ADAM8: variants seen among roughly 807,000 people sequenced by gnomAD.
The protein encoded by ADAM8 is disintegrin and metalloproteinase domain-containing protein 8.
A neutral mutation model predicts 102.4 loss-of-function variants in ADAM8; 104 were observed. The observed-to-expected ratio is 1.02, with a 90% CI of 0.87 to 1.20. The LOEUF (loss-of-function observed/expected upper bound fraction) is 1.20. Among genes scored for constraint, ADAM8 ranks in the 50% most tolerant of loss-of-function variants. The pLI, the probability that ADAM8 is intolerant of heterozygous loss-of-function variation, is 0.00. For synonymous variants in ADAM8, 517 were observed against 485.2 expected (o/e 1.07, Z -0.86); for missense variants, 1,132 against 1,159.0 (o/e 0.98, Z 0.34).
chr10:133,270,109 G>T (rs1423863349), intron 16 of ADAM8, 135 bp from the exon 17 acceptor site: 1 of 1,183,314 alleles, frequency 8.5e-7, no homozygotes, highest in Non-Finnish European at 1.2e-6. Flanking sequence ...CCATCTGCCG[G>T]CTGCCTACCC....
At chr10:133,272,606 T>C (rs1264576872) in intron 8 of ADAM8, 21 bp from the exon 9 acceptor site, 7 of 1,595,734 alleles carry the variant, frequency 4.4e-6, no homozygotes, top group African/African-American at 4.0e-5. Flanking sequence ...GGTGGAGTCC[T>C]GGGGGTCAGG....
rs369431777 is a variant in ADAM8 at position 133,274,127 on chromosome 10, C to T, written c.227+32G>A. On this transcript the variant is annotated intron_variant, in intron 3 of 22. Transcript: ENST00000445355. ...GACACCAGTGTGCTGGAGCCAGGCC[C>T]GGGCAGGGGGGCCGACCCGAGACCC... 6.6e-4 allele frequency: 1,038 copies of T among 1,582,276 alleles called. 5 individuals carry two copies. The Middle Eastern group carries it at 0.011, about 16-fold the overall frequency.
chr10:133,273,173 C>T (rs1846613213), intron 6 of ADAM8, 81 bp downstream of exon 6: 1 of 1,578,348 alleles, frequency 6.3e-7, no homozygotes, highest in Admixed American at 1.8e-5. Flanking sequence ...GCACCCAGCA[C>T]ATGGGGAGCC....
intron 3 of ADAM8, 54 bp from the exon 4 acceptor site, chr10:133,274,083 C>T: frequency 6.3e-7 from 1 of 1,589,932 alleles, no homozygotes; most frequent in Non-Finnish European, 8.6e-7. Flanking sequence ...AGAGGCTGGC[C>T]CAGAGGCTGG....
intron 12 of ADAM8, 107 bp from the exon 13 acceptor site, chr10:133,271,396 T>C: frequency 6.7e-7 from 1 of 1,483,094 alleles, no homozygotes; most frequent in Non-Finnish European, 9.1e-7. Context: ...AGCCACTCCC[T>C]CCCTGTGACC....
intron 16 of ADAM8, 123 bp downstream of exon 16, chr10:133,270,237 G>T: frequency 7.6e-7 from 1 of 1,308,070 alleles, no homozygotes; most frequent in Non-Finnish European, 1.0e-6. Context: ...TACTAGAAGC[G>T]CGGAGAGAAC....
chr10:133,272,865 A>G lies in ADAM8; in HGVS notation c.638T>C (p.Phe213Ser). 2 of 1,611,378 alleles carry G rather than the reference A, an allele frequency of 1.2e-6. No individual in the cohort carries two copies. Among genetic ancestry groups the G allele is most frequent in the Non-Finnish European group, 1.7e-6 (2 of 1,178,858 alleles). ...ELYVVVDNAE[F>S]QMLGSEAAVR... is the part of the protein sequence containing the mutation. ...GGCTGCTTCGCTCCCCAGCATCTGG[A>G]ACTGGGGACACGAGACCCTCAGGCT... is the stretch of plus-strand genomic sequence containing the variant. The change falls in exon 8 of 23, where the codon TTC (phenylalanine) becomes TCC (serine). Residue 213 changes from phenylalanine (F) to serine (S), a missense_variant and splice_region_variant. Phe to Ser is a radical substitution (Grantham distance 155). Transcript: ENST00000445355.
rs375821860 is a variant in ADAM8, at chr10:133,270,749, C to A, written c.1621G>T (p.Ala541Ser). ...GTCTCAGCTCACCTGTACCGGCTGGCCTTGCAGCCTGGTAGGATGTCATAG... is the reference window on the plus strand; with the variant it reads ...GTCTCAGCTCACCTGTACCGGCTGGACTTGCAGCCTGGTAGGATGTCATAG... Reference protein sequence around the residue: ...FSYDILPGCKASRYRADMCGV... With the variant: ...FSYDILPGCKSSRYRADMCGV... Residue 541 changes from alanine (A) to serine (S), a missense_variant, in exon 15 of 23, where the codon GCC (alanine) becomes TCC (serine). Transcript: ENST00000445355. The A allele has an allele frequency of 2.5e-5, 40 of 1,605,544 alleles. No homozygotes were observed. The highest frequency in any genetic ancestry group is 5.4e-5 in the African/African-American group (4 of 74,610).
chr10:133,273,215 C>A, intron 6 of ADAM8, 39 bp downstream of exon 6: 1 of 1,590,160 alleles, frequency 6.3e-7, no homozygotes, highest in Non-Finnish European at 8.6e-7. Flanking sequence ...AAGTGGACAC[C>A]GGCAGGGCCA....
intron 21 of ADAM8, among the ~76,000 whole-genome samples, chr10:133,266,301 G>A (rs546623868): frequency 5.3e-5 from 8 of 152,284 alleles, no homozygotes; most frequent in Middle Eastern, 3.4e-3. Context: ...GTGGAGCCTC[G>A]GCTGCGCGCC....
At chr10:133,275,394 C>G in intron 2 of ADAM8, 90 bp downstream of exon 2, 1 of 999,944 alleles carries the variant, frequency 1.0e-6, no homozygotes, top group South Asian at 1.5e-5. Context: ...ACCCACTGGC[C>G]TCTCACCACT....
intron 17 of ADAM8, 29 bp downstream of exon 17, chr10:133,269,868 G>A (rs1345270370): frequency 6.2e-7 from 1 of 1,610,536 alleles, no homozygotes; most frequent in Non-Finnish European, 8.5e-7. Flanking sequence ...CCTCTGTGCA[G>A]GGGCCCTGTC....
chr10:133,276,867 C>G lies in ADAM8; in HGVS notation c.-50G>C. The G allele has an allele frequency of 1.4e-6, 2 of 1,479,856 alleles. No homozygotes were observed. The highest frequency in any genetic ancestry group is 2.5e-5 in the South Asian group (2 of 79,888). The allele number at this position is 1,479,856 out of a possible 1,614,324, so 91.7% of individuals were successfully genotyped here. On this transcript the variant is annotated 5_prime_UTR_variant, in exon 1 of 23. Coordinates refer to ENST00000445355, the MANE Select transcript of ADAM8 (RefSeq NM_001109.5). ...AGGTGACAGCCCCGCGGGACACGGTCTGGTTCCTGCGCTCCTGGCCCGAGG... is the reference window on the plus strand; with the variant it reads ...AGGTGACAGCCCCGCGGGACACGGTGTGGTTCCTGCGCTCCTGGCCCGAGG...
intron 20 of ADAM8, 58 bp downstream of exon 20, chr10:133,267,871 C>T: frequency 8.0e-7 from 1 of 1,254,124 alleles, no homozygotes; most frequent in Non-Finnish European, 1.0e-6. Context: ...CTTGGGGTCG[C>T]AGGATGGGGC....
At chr10:133,269,213 C>T in intron 18 of ADAM8, 1 of 982,224 alleles carries the variant, frequency 1.0e-6, no homozygotes, top group Non-Finnish European at 1.2e-6. Context: ...AGTCTCAGCT[C>T]ACGGCCGTGC....
rs761658180 is a variant in ADAM8 at position 133,263,124 on chromosome 10, C to T, written c.*32G>A. 4 of 1,612,962 alleles carry T rather than the reference C, an allele frequency of 2.5e-6. No individual in the cohort carries two copies. In the Admixed American group the frequency reaches 5.0e-5, roughly 20 times the overall value. On this transcript the variant is annotated 3_prime_UTR_variant, in exon 23 of 23. Coordinates refer to ENST00000445355, the MANE Select transcript of ADAM8 (RefSeq NM_001109.5). ...ACGCATGGCTTCTCTGCCGCAACTT[C>T]TCCAAATTTCCACACAGGCGCAGGT...
intron 21 of ADAM8, among the ~76,000 whole-genome samples, chr10:133,265,685 T>G (rs562641374): frequency 6.6e-5 from 10 of 151,048 alleles, no homozygotes; most frequent in African/African-American, 2.4e-4. Flanking sequence ...TAGTCTCAGA[T>G]ACATTGGGAG....
intron 18 of ADAM8, 129 bp from the exon 19 acceptor site, chr10:133,268,991 T>A (rs111302629): frequency 6.8e-6 from 10 of 1,466,636 alleles, no homozygotes; most frequent in African/African-American, 4.2e-5. Flanking sequence ...AGGGAGGACC[T>A]GGTACCTTAC....
chr10:133,264,353 G>A (rs560700555), intron 21 of ADAM8, among the ~76,000 whole-genome samples: 62 of 152,310 alleles, frequency 4.1e-4, no homozygotes, highest in Middle Eastern at 3.4e-3. Flanking sequence ...GAGCCAATGC[G>A]CCTGGCCTGA....
Sources: allele counts gnomAD v4.1 joint callset (sites outside exome capture counted in the v4.1 genomes callset), GRCh38; gene constraint gnomAD v4.1.1; transcripts MANE v1.5; gene names NCBI Gene and HGNC (gene_info 2026-07-23, HGNC 2026-07-21).